HAPLN4: variants seen among roughly 807,000 people sequenced by gnomAD.
HAPLN4 encodes the protein hyaluronan and proteoglycan link protein 4.
A neutral mutation model predicts 28.0 loss-of-function variants in HAPLN4; 19 were observed. The ratio of observed to expected loss-of-function variants is 0.68; its 90% confidence interval spans 0.47 to 1.00. The LOEUF is 1.00. HAPLN4 is among the 50% of genes least tolerant of loss of function. HAPLN4 has a pLI of 0.00. For missense variants in HAPLN4, 587 were observed against 602.6 expected (o/e 0.97, Z 0.27); for synonymous variants, 274 against 273.0 (o/e 1.00, Z -0.03).
At chr19:19,261,771 C>CT (rs2060984388) in intron 1 of HAPLN4, 1 of 503,758 alleles carries the variant, frequency 2.0e-6, no homozygotes, top group South Asian at 2.7e-5. Context: ...AGACTCCCCC[C>CT]CGCCCTCAGT....
chr19:19,257,698 G>A lies in HAPLN4; in HGVS notation c.*119C>T. 8.2e-7 allele frequency: 1 copy of A among 1,222,312 alleles called. No individual in the cohort carries two copies. The highest frequency in any genetic ancestry group is 1.0e-6 in the Non-Finnish European group (1 of 953,098). The allele number at this position is 1,222,312 out of a possible 1,614,324, so 75.7% of individuals were successfully genotyped here. A position where few individuals can be genotyped will look rare whatever the true frequency, so the allele number is the denominator to read the frequency against. ...GGGACCCCAGGGGCACAGTTAGTTT[G>A]TAAGGGACCACAGGGAATGTGGCCA... On this transcript the variant is annotated 3_prime_UTR_variant, in exon 5 of 5. Transcript: ENST00000291481.
In HAPLN4 at chr19:19,256,941, G is replaced by A. The variant is rs1416067731; in HGVS notation, c.*876C>T. ...TTGCCTTGGTGACAGTGGGACCCAAGGCAACTGCTCTGCATAACTAGTGAC... is the reference window on the plus strand; with the variant it reads ...TTGCCTTGGTGACAGTGGGACCCAAAGCAACTGCTCTGCATAACTAGTGAC... On this transcript the variant is annotated 3_prime_UTR_variant, in exon 5 of 5. Coordinates refer to ENST00000291481, the MANE Select transcript of HAPLN4 (RefSeq NM_023002.3). 6.6e-6 allele frequency: 1 copy of A among 152,608 alleles called. No individual in the cohort carries two copies. Among genetic ancestry groups the A allele is most frequent in the Non-Finnish European group, 1.5e-5 (1 of 68,058 alleles). 9.5% of individuals were successfully genotyped at this position (152,608 alleles called of 1,614,324 possible).
At chr19:19,262,608 G>C (rs1272552663) in intron 1 of HAPLN4, 122 bp downstream of exon 1, 2 of 1,167,906 alleles carry the variant, frequency 1.7e-6, no homozygotes, top group African/African-American at 1.5e-5. Flanking sequence ...AAGAGGGTGA[G>C]AGACAGAGAA....
Position 19,258,166 on chromosome 19 carries a change from G to A in HAPLN4, c.860C>T (p.Ser287Phe). The change falls in exon 5 of 5, where the codon TCC becomes TTC. Residue 287 changes from serine (S) to phenylalanine (F), a missense_variant. Physicochemically the swap from Ser to Phe is radical, Grantham distance 155. Coordinates refer to ENST00000291481, the MANE Select transcript of HAPLN4 (RefSeq NM_023002.3). This position sits in a 1 kb window ranked among gnomAD's most constrained non-coding sequence, Gnocchi z 6.2. Reference sequence around the variant, plus strand: ...CGCAGCACACGCGCGCGCAGCTCCGGAGAAGGGTACAGGTCGCAGCGGCTT... The same window carrying A: ...CGCAGCACACGCGCGCGCAGCTCCGAAGAAGGGTACAGGTCGCAGCGGCTT... ...FLKPLRPVPF[S>F]GAARACAARG... is the part of the protein sequence containing the mutation. 2 of 1,535,216 alleles carry A rather than the reference G, an allele frequency of 1.3e-6. No homozygotes were observed. The highest frequency in any genetic ancestry group is 1.7e-6 in the Non-Finnish European group (2 of 1,146,760).
In HAPLN4 at chr19:19,255,401, C is replaced by G. The variant is rs373945357; in HGVS notation, c.*2416G>C. The stretch of plus-strand genomic sequence containing the variant: ...CTCTACTAAAAATACAAAAATTAGC[C>G]GGGTGTGGTGGCAGGCACCTGTAAT... On this transcript the variant is annotated 3_prime_UTR_variant, in exon 5 of 5. Coordinates refer to ENST00000291481, the MANE Select transcript of HAPLN4 (RefSeq NM_023002.3). 6.6e-6 allele frequency: 1 copy of G among 151,910 alleles called. No homozygotes were observed. Among genetic ancestry groups the G allele is most frequent in the Admixed American group, 6.6e-5 (1 of 15,222 alleles). 9.4% of individuals were successfully genotyped at this position (151,910 alleles called of 1,614,324 possible).
intron 3 of HAPLN4, among the ~76,000 whole-genome samples, chr19:19,259,186 ATT>A (rs1328004991): frequency 6.6e-6 from 1 of 152,006 alleles, no homozygotes; most frequent in Non-Finnish European, 1.5e-5. Context: ...ACCCTCTTCC[ATT>A]GAGTCCTGTG....
At position 19,261,168 on chromosome 19, in the gene HAPLN4, C is replaced by T; in HGVS notation, c.129G>A (p.Glu43=). The change falls in exon 3 of 5, where the codon GAG becomes GAA. Residue 43 remains glutamate (E), a synonymous_variant. Coordinates refer to ENST00000291481, the MANE Select transcript of HAPLN4 (RefSeq NM_023002.3). ...CTGTCTGTACCACTACCGAGCCCGA[C>T]TCACCCTCTGAGGACAACCAAGCAG... ...RKKVVHVLEG[E]SGSVVVQTAP... The T allele has an allele frequency of 6.3e-7, 1 of 1,594,830 alleles. No individual in the cohort carries two copies. Among genetic ancestry groups the T allele is most frequent in the Non-Finnish European group, 8.6e-7 (1 of 1,167,592 alleles).
chr19:19,259,058 C>A (rs1329814902), intron 3 of HAPLN4, among the ~76,000 whole-genome samples: 1 of 152,164 alleles, frequency 6.6e-6, no homozygotes, highest in African/African-American at 2.4e-5. Context: ...ACTTGACCCT[C>A]CCCCTTAACA....
In HAPLN4 at chr19:19,258,305, T is replaced by C; in HGVS notation, c.818-97A>G. The C allele has an allele frequency of 1.2e-5, 15 of 1,302,556 alleles. No homozygotes were observed. Among genetic ancestry groups the C allele is most frequent in the Non-Finnish European group, 1.3e-5 (13 of 975,824 alleles). 80.7% of individuals were successfully genotyped at this position (1,302,556 alleles called of 1,614,324 possible). On this transcript the variant is annotated intron_variant, in intron 4 of 4. Transcript: ENST00000291481. This position sits in a 1 kb window ranked among gnomAD's most constrained non-coding sequence, Gnocchi z 6.2. ...GCCCCCCGCATGCAGCCTAGGACTCTGGCCTCGGCCCCGGGATCCAGGAAC... is the reference window on the plus strand; with the variant it reads ...GCCCCCCGCATGCAGCCTAGGACTCCGGCCTCGGCCCCGGGATCCAGGAAC...
intron 3 of HAPLN4, among the ~76,000 whole-genome samples, chr19:19,259,465 G>A (rs536938379): frequency 1.3e-5 from 2 of 152,256 alleles, no homozygotes; most frequent in Admixed American, 1.3e-4. Flanking sequence ...TTTGAGGGAC[G>A]CGGGTTGGGG....
At position 19,260,984 on chromosome 19, in the gene HAPLN4, G is replaced by A; in HGVS notation, c.313C>T (p.Gln105Ter). The A allele has an allele frequency of 6.2e-7, 1 of 1,613,750 alleles. No individual in the cohort carries two copies. The highest frequency in any genetic ancestry group is 8.5e-7 in the Non-Finnish European group (1 of 1,179,984). The stretch of plus-strand genomic sequence containing the variant: ...CGGTAGCTGCCGAATGCCCGGTGCT[G>A]GGGGCCTAGTGCCACGAAGACGTCG... ...FTDVFVALGP[Q>*]HRAFGSYRGR... The change falls in exon 3 of 5, where the codon CAG (glutamine) becomes TAG (stop). Residue 105 changes from glutamine (Q) to a stop codon, truncating the protein, a stop_gained. Coordinates refer to ENST00000291481, the MANE Select transcript of HAPLN4 (RefSeq NM_023002.3). LOFTEE classifies it high-confidence loss of function.
chr19:19,256,012 C>G lies in HAPLN4; in HGVS notation c.*1805G>C, dbSNP rs555619789. 6.6e-6 allele frequency: 1 copy of G among 152,340 alleles called. No individual in the cohort carries two copies. The highest frequency in any genetic ancestry group is 1.5e-5 in the Non-Finnish European group (1 of 68,050). The allele number at this position is 152,340 out of a possible 1,614,324, so 9.4% of individuals were successfully genotyped here. On this transcript the variant is annotated 3_prime_UTR_variant, in exon 5 of 5. Transcript: ENST00000291481. ...TGGGTCCTGACCTCTTAGCACAGATCGCCGCTTAGAGCCTGGTGGGTGTTG... is the reference window on the plus strand; with the variant it reads ...TGGGTCCTGACCTCTTAGCACAGATGGCCGCTTAGAGCCTGGTGGGTGTTG...
chr19:19,256,674 G>C lies in HAPLN4; in HGVS notation c.*1143C>G, dbSNP rs2060966640. 6.5e-6 allele frequency: 1 copy of C among 152,772 alleles called. No individual in the cohort carries two copies. Among genetic ancestry groups the C allele is most frequent in the Non-Finnish European group, 1.5e-5 (1 of 68,154 alleles). The allele number at this position is 152,772 out of a possible 1,614,324, so 9.5% of individuals were successfully genotyped here. ...CAGGGACAGTTTGTTTCCATGGTGA[G>C]AGCCGGAGAACTGGATGTTGGGTCA... On this transcript the variant is annotated 3_prime_UTR_variant, in exon 5 of 5. Transcript: ENST00000291481.
chr19:19,260,628 T>G (rs369840619), intron 3 of HAPLN4, among the ~76,000 whole-genome samples, 185 bp downstream of exon 3: 2 of 152,264 alleles, frequency 1.3e-5, no homozygotes, highest in African/African-American at 4.8e-5. Context: ...TGTGACAACG[T>G]AAAATATCTC....
At chr19:19,260,367 C>A (rs2060978983) in intron 3 of HAPLN4, among the ~76,000 whole-genome samples, 1 of 152,156 alleles carries the variant, frequency 6.6e-6, no homozygotes, top group South Asian at 2.1e-4. Flanking sequence ...CAGGAATGCA[C>A]CACCATGCCT....
At position 19,261,376 on chromosome 19, in the gene HAPLN4, G is replaced by C. The variant is rs10422893; in HGVS notation, c.121+70C>G. 0.18 allele frequency: 251,407 copies of C among 1,419,068 alleles called. 25,126 individuals are homozygous for C. Among genetic ancestry groups the C allele is most frequent in the African/African-American group, 0.41 (29,215 of 71,162 alleles). The allele number at this position is 1,419,068 out of a possible 1,614,324, so 87.9% of individuals were successfully genotyped here. On this transcript the variant is annotated intron_variant, in intron 2 of 4. Coordinates refer to ENST00000291481, the MANE Select transcript of HAPLN4 (RefSeq NM_023002.3). Reference sequence around the variant, plus strand: ...CGCGGACGTCAGGAACGCCCTACCCGCTACCCCTCTCCGCACTTGGCCACT... The same window carrying C: ...CGCGGACGTCAGGAACGCCCTACCCCCTACCCCTCTCCGCACTTGGCCACT...
Position 19,261,469 on chromosome 19 carries a change from C to T in HAPLN4, c.98G>A (p.Arg33Gln). The T allele has an allele frequency of 1.2e-6, 2 of 1,612,138 alleles. No individual in the cohort carries two copies. Among genetic ancestry groups the T allele is most frequent in the South Asian group, 1.1e-5 (1 of 91,076 alleles). ...LTAPAGAQRG[R>Q]KKVVHVLEGE... is the part of the protein sequence containing the mutation. ...ACCCAGCACGTGCACGACCTTCTTC[C>T]GGCCACGCTGCGCCCCCGCAGGGGC... The change falls in exon 2 of 5, where the codon CGG becomes CAG. Residue 33 changes from arginine to glutamine, a missense_variant. Coordinates refer to ENST00000291481, the MANE Select transcript of HAPLN4 (RefSeq NM_023002.3).
chr19:19,257,984 TGC>T lies in HAPLN4; in HGVS notation c.1040_1041del (p.Arg347GlnfsTer60), dbSNP rs1280043064. On this transcript the variant is annotated frameshift_variant, in exon 5 of 5. Transcript: ENST00000291481. LOFTEE classifies it low-confidence loss of function (END_TRUNC). ...CGGGTGGCGTCCGGGAAGCCGAGGC[TGC>T]GCACACCAGGCCTGCGGCCTCCGCA... ...ARCGGRRPGV[R>X]SLGFPDATRR... 1 of 1,516,096 alleles carries T rather than the reference TGC, an allele frequency of 6.6e-7. No individual in the cohort carries two copies. The highest frequency in any genetic ancestry group is 1.4e-5 in the African/African-American group (1 of 69,928). The allele number at this position is 1,516,096 out of a possible 1,614,324, so 93.9% of individuals were successfully genotyped here. A position where few individuals can be genotyped will look rare whatever the true frequency, so the allele number is the denominator to read the frequency against.
intron 2 of HAPLN4, 32 bp downstream of exon 2, chr19:19,261,414 G>T (rs1213276097): frequency 6.4e-7 from 1 of 1,573,594 alleles, no homozygotes. Context: ...TGCTTTTCGC[G>T]GAGAAGACCA....
Sources: gnomAD v4.1 joint callset for allele counts (sites outside exome capture counted in the v4.1 genomes callset) on GRCh38, gnomAD v4.1.1 for gene constraint, Gnocchi (gnomAD v3.1) non-coding constraint, MANE v1.5 for transcripts, NCBI Gene and HGNC (gene_info 2026-07-23, HGNC 2026-07-21) for gene names.